ALOX5AP: variants seen among roughly 807,000 people sequenced by gnomAD.
ALOX5AP encodes arachidonate 5-lipoxygenase activating protein.
ALOX5AP carries 9 observed loss-of-function variants against 18.5 expected under a neutral mutation model. The observed-to-expected ratio is 0.49, with a 90% CI of 0.29 to 0.85. The LOEUF is 0.85. Among genes scored for constraint, ALOX5AP ranks in the 40% least tolerant of loss-of-function variants. The pLI, the probability that ALOX5AP is intolerant of heterozygous loss-of-function variation, is 0.08. For synonymous variants in ALOX5AP, 81 were observed against 78.6 expected, an observed-to-expected ratio of 1.03 and a Z score of -0.16; for missense variants, 172 against 202.5, an observed-to-expected ratio of 0.85 and a Z score of 0.91.
chr13:30,736,201 CT>C (rs17238610), intron 1 of ALOX5AP, among the ~76,000 whole-genome samples: 5,838 of 149,024 alleles, frequency 0.039, 361 homozygotes, highest in African/African-American at 0.13. Context: ...CCTGAAGAAA[CT>C]TTTTTTTTTG....
intron 2 of ALOX5AP, 23 bp from the exon 3 acceptor site, chr13:30,752,029 C>A (rs1437486275): frequency 1.9e-6 from 3 of 1,612,132 alleles, no homozygotes; most frequent in Admixed American, 3.3e-5. Flanking sequence ...GATTGTTTTT[C>A]TCCTTGTTTG....
chr13:30,716,580 C>T (rs1460873856), intron 1 of ALOX5AP, among the ~76,000 whole-genome samples: 1 of 152,178 alleles, frequency 6.6e-6, no homozygotes. Context: ...GCTCTGTGTT[C>T]CTTAGTCATT....
intron 1 of ALOX5AP, among the ~76,000 whole-genome samples, chr13:30,741,162 G>A (rs1222978137): frequency 1.8e-5 from 2 of 114,158 alleles, no homozygotes; most frequent in African/African-American, 3.4e-5. Flanking sequence ...TTGCTCTGTC[G>A]CCCTGGCTGG....
intron 1 of ALOX5AP, among the ~76,000 whole-genome samples, chr13:30,735,921 G>A (rs1444921781): frequency 6.6e-6 from 1 of 152,220 alleles, no homozygotes; most frequent in African/African-American, 2.4e-5. Flanking sequence ...AGCCAGGGCT[G>A]CAACTTGAAG....
At chr13:30,739,919 G>A (rs1951749462) in intron 1 of ALOX5AP, among the ~76,000 whole-genome samples, 1 of 152,302 alleles carries the variant, frequency 6.6e-6, no homozygotes, top group East Asian at 1.9e-4. Context: ...TGCTCAAGAA[G>A]TTCTTTCTTA....
chr13:30,715,589 G>T (rs1593423119), intron 1 of ALOX5AP, among the ~76,000 whole-genome samples: 1 of 152,154 alleles, frequency 6.6e-6, no homozygotes, highest in Non-Finnish European at 1.5e-5. Flanking sequence ...TCACTTATGG[G>T]GTGGGAAGTC....
At chr13:30,732,638 G>C (rs971346083), upstream of ALOX5AP, among the ~76,000 whole-genome samples, 2 of 152,184 alleles carry the variant, frequency 1.3e-5, no homozygotes, top group African/African-American at 4.8e-5. Flanking sequence ...CAATGAGGCT[G>C]TCCTAAGAGT....
chr13:30,722,150 C>G (rs990232237), intron 1 of ALOX5AP, among the ~76,000 whole-genome samples: 2 of 152,218 alleles, frequency 1.3e-5, no homozygotes, highest in South Asian at 4.1e-4. Context: ...CAAGAAAGCT[C>G]GTTGAAGACA....
chr13:30,718,758 T>G (rs1473199404), intron 1 of ALOX5AP, among the ~76,000 whole-genome samples: 1 of 152,170 alleles, frequency 6.6e-6, no homozygotes, highest in African/African-American at 2.4e-5. Context: ...AGCTGCCCAA[T>G]GCAGCTCCCA....
chr13:30,747,303 A>G (rs1951817055), intron 2 of ALOX5AP, among the ~76,000 whole-genome samples: 1 of 152,196 alleles, frequency 6.6e-6, no homozygotes, highest in Admixed American at 6.5e-5. Context: ...CAGCCTCCTG[A>G]GTAGCTGGGA....
chr13:30,721,482 C>A (rs2137788254), intron 1 of ALOX5AP, among the ~76,000 whole-genome samples: 1 of 152,096 alleles, frequency 6.6e-6, no homozygotes, highest in East Asian at 1.9e-4. Flanking sequence ...TACCCCCAAC[C>A]CCTCACTAAG....
intron 1 of ALOX5AP, among the ~76,000 whole-genome samples, chr13:30,723,938 T>C (rs1228536102): frequency 6.6e-6 from 1 of 152,186 alleles, no homozygotes; most frequent in Admixed American, 6.5e-5. Context: ...ATCAATTTTA[T>C]TGAAGTATAA....
Position 30,735,616 on chromosome 13 carries a change from A to T in ALOX5AP, c.11A>T (p.Glu4Val), listed in dbSNP as rs1203209046. The T allele has an allele frequency of 1.2e-6, 2 of 1,614,138 alleles. No individual in the cohort carries two copies. The highest frequency in any genetic ancestry group is 3.3e-5 in the Admixed American group (2 of 60,014). ...GAGCCTGAAGCAAACATGGATCAAG[A>T]AACTGTAGGCAATGTTGTCCTGTTG... is the stretch of plus-strand genomic sequence containing the variant. The part of the protein sequence containing the change: MDQ[E>V]TVGNVVLLAI... Residue 4 changes from glutamate to valine, a missense_variant, in exon 1 of 5, where the codon GAA (glutamate) becomes GTA (valine). Glu to Val is a moderately radical substitution (Grantham distance 121). Coordinates refer to ENST00000380490, the MANE Select transcript of ALOX5AP (RefSeq NM_001629.4).
chr13:30,714,184 ATG>A (rs1317474690), intron 1 of ALOX5AP, among the ~76,000 whole-genome samples: 2 of 130,346 alleles, frequency 1.5e-5, no homozygotes, highest in African/African-American at 6.0e-5. Context: ...GCATTAGGGG[ATG>A]TGATGGATGT....
At chr13:30,739,119 T>C (rs1334560553) in intron 1 of ALOX5AP, among the ~76,000 whole-genome samples, 1 of 152,036 alleles carries the variant, frequency 6.6e-6, no homozygotes, top group African/African-American at 2.4e-5. Context: ...TGCTTCTTCC[T>C]GAACACTGCA....
At chr13:30,747,535 G>T (rs1207037719) in intron 2 of ALOX5AP, among the ~76,000 whole-genome samples, 3 of 152,176 alleles carry the variant, frequency 2.0e-5, no homozygotes, top group African/African-American at 7.2e-5. Flanking sequence ...GGCTAGAGCA[G>T]CCTTGGTCAA....
At position 30,756,069 on chromosome 13, in the gene ALOX5AP, T is replaced by C. The variant is rs1042208470; in HGVS notation, c.323+44T>C. ...TAAAGAACTGTGGAGCGATTCCTGA[T>C]TTTTGAGCAGGAAGAGTGACAATTC... On this transcript the variant is annotated intron_variant, in intron 4 of 4. Coordinates refer to ENST00000380490, the MANE Select transcript of ALOX5AP (RefSeq NM_001629.4). 5.7e-6 allele frequency: 9 copies of C among 1,570,762 alleles called. No individual in the cohort carries two copies. The African/African-American group carries it at 8.1e-5, about 14-fold the overall frequency.
chr13:30,755,835 G>T (rs112937645), intron 3 of ALOX5AP, 109 bp from the exon 4 acceptor site: 13 of 1,030,942 alleles, frequency 1.3e-5, no homozygotes, highest in African/African-American at 9.4e-5. Context: ...TTCCTGAAGT[G>T]CGTGTGTCTT....
chr13:30,715,602 C>A (rs1253023907), intron 1 of ALOX5AP, among the ~76,000 whole-genome samples: 1 of 152,162 alleles, frequency 6.6e-6, no homozygotes, highest in Non-Finnish European at 1.5e-5. Flanking sequence ...GGGAAGTCAC[C>A]CATTCCCCAG....
Sources: allele counts gnomAD v4.1 joint callset (sites outside exome capture counted in the v4.1 genomes callset), GRCh38; gene constraint gnomAD v4.1.1; transcripts MANE v1.5; gene names NCBI Gene and HGNC (gene_info 2026-07-23, HGNC 2026-07-21).